Variants in SVIL observed in about 807,000 individuals in gnomAD.
The protein encoded by SVIL is supervillin, also known as archvillin.
In SVIL, 101 loss-of-function variants were observed where a neutral mutation model predicts 240.4. The ratio of observed to expected loss-of-function variants is 0.42; its 90% CI spans 0.36 to 0.50. SVIL has a LOEUF of 0.50. Among genes scored for constraint, SVIL ranks in the 20% least tolerant of loss-of-function variants. The pLI is 0.01. For synonymous variants in SVIL, 999 were observed against 1,100.0 expected, an observed-to-expected ratio of 0.91 and a Z score of 1.82; for missense variants, 2,512 against 2,818.7, an observed-to-expected ratio of 0.89 and a Z score of 2.46.
At chr10:29,680,250 C>T (rs1148205) in intron 2 of SVIL, among the ~76,000 whole-genome samples, 31,971 of 152,078 alleles carry the variant, frequency 0.21, 3,619 homozygotes, top group East Asian at 0.3. Context: ...GGCACATGTT[C>T]TCATAGGCGT....
chr10:29,626,922 G>C (rs1359423613), intron 1 of SVIL, among the ~76,000 whole-genome samples: 2 of 152,278 alleles, frequency 1.3e-5, no homozygotes, highest in East Asian at 3.9e-4. Context: ...TAGTCAGGAG[G>C]CTGAGGCAGG....
In SVIL at chr10:29,493,096, C is replaced by G. The variant is rs34163498; in HGVS notation, c.4019+118G>C. On this transcript the variant is annotated intron_variant, in intron 21 of 37. Coordinates refer to ENST00000355867, the MANE Select transcript of SVIL (RefSeq NM_021738.3). ...CCTGGCTCTAGAATACTAACGCCGC[C>G]GTGATGGAGTTAGAAGGAGAAGGAG... 233,308 of 1,229,700 alleles carry G rather than the reference C, an allele frequency of 0.19. 23,512 individuals are homozygous for G. Among genetic ancestry groups the G allele is most frequent in the Non-Finnish European group, 0.21 (183,881 of 896,432 alleles). The allele number at this position is 1,229,700 out of a possible 1,614,324, so 76.2% of individuals were successfully genotyped here.
intron 1 of SVIL, among the ~76,000 whole-genome samples, chr10:29,583,178 T>A (rs748580595): frequency 2.6e-5 from 4 of 152,258 alleles, no homozygotes; most frequent in Admixed American, 2.0e-4. Context: ...GCTCTCCTTG[T>A]TCTCAGAAGG....
At chr10:29,498,464 A>C (rs937081803) in intron 18 of SVIL, among the ~76,000 whole-genome samples, 27 of 152,192 alleles carry the variant, frequency 1.8e-4, no homozygotes, top group African/African-American at 6.5e-4. Flanking sequence ...TTGTTAGCAG[A>C]TTTGAACTGC....
chr10:29,639,070 C>T (rs767695303), upstream of SVIL, among the ~76,000 whole-genome samples: 3 of 152,260 alleles, frequency 2.0e-5, no homozygotes, highest in East Asian at 1.9e-4. Context: ...GCTGGGATAA[C>T]GAAAGTGTGT....
intron 2 of SVIL, among the ~76,000 whole-genome samples, chr10:29,674,149 A>G (rs1358381259): frequency 6.6e-6 from 1 of 151,980 alleles, no homozygotes; most frequent in African/African-American, 2.4e-5. Context: ...TAGGCAACAT[A>G]GCAAGACCTG....
At chr10:29,602,250 C>G in intron 1 of SVIL, 1 of 532,474 alleles carries the variant, frequency 1.9e-6, no homozygotes, top group Non-Finnish European at 3.9e-6. Flanking sequence ...CCCCCTGGTA[C>G]TTTAAGTGTT....
Position 29,580,562 on chromosome 10 carries a change from G to A in SVIL, c.-200-11250C>T, listed in dbSNP as rs61846649. On this transcript the variant is annotated intron_variant, in intron 1 of 37. Coordinates refer to ENST00000355867, the MANE Select transcript of SVIL (RefSeq NM_021738.3). ...ATGCTCCTCCAGAGGTCCGTACGAT[G>A]TCACCTCATGTCACCTTGTTGTGCT... Among the ~76,000 whole-genome samples the A allele has an allele frequency of 8.7e-3, 1,330 of 152,314 alleles. 7 individuals are homozygous for A. The highest frequency in any genetic ancestry group is 0.011 in the Non-Finnish European group (778 of 68,038).
chr10:29,580,117 C>T (rs1256957676), intron 1 of SVIL, among the ~76,000 whole-genome samples: 1 of 151,882 alleles, frequency 6.6e-6, no homozygotes, highest in Non-Finnish European at 1.5e-5. Context: ...TTGCTTGAAG[C>T]CAGGAGTTCG....
intron 6 of SVIL, among the ~76,000 whole-genome samples, chr10:29,541,803 C>T (rs1296450311): frequency 6.6e-6 from 1 of 151,626 alleles, no homozygotes; most frequent in South Asian, 2.1e-4. Context: ...ATTCGCGGGG[C>T]TGTGGACTCA....
chr10:29,706,031 G>T (rs1962868167), intron 1 of SVIL, among the ~76,000 whole-genome samples: 1 of 151,854 alleles, frequency 6.6e-6, no homozygotes, highest in South Asian at 2.1e-4. Context: ...AATCGACTTG[G>T]CTGGGCATAG....
chr10:29,478,774 A>G (rs1401877941), intron 29 of SVIL, among the ~76,000 whole-genome samples: 1 of 151,698 alleles, frequency 6.6e-6, no homozygotes, highest in African/African-American at 2.4e-5. Context: ...AAAAGAAAAA[A>G]TTAGCTTGAT....
intron 1 of SVIL, among the ~76,000 whole-genome samples, chr10:29,704,662 G>A (rs544369374): frequency 4.6e-5 from 7 of 152,062 alleles, no homozygotes; most frequent in East Asian, 1.9e-4. Flanking sequence ...ATTTCCCCCC[G>A]CAAATTGTTC....
chr10:29,627,169 A>T (rs1957906984), intron 1 of SVIL, among the ~76,000 whole-genome samples: 1 of 152,212 alleles, frequency 6.6e-6, no homozygotes, highest in East Asian at 1.9e-4. Context: ...AGGACTTTTT[A>T]AAAAAGATCT....
chr10:29,511,611 C>T (rs1281844600), intron 17 of SVIL, among the ~76,000 whole-genome samples: 5 of 152,208 alleles, frequency 3.3e-5, no homozygotes, highest in South Asian at 4.1e-4. Flanking sequence ...GAATTTCACA[C>T]GGTGTGTGAA....
chr10:29,541,172 C>G (rs938167895), intron 6 of SVIL, among the ~76,000 whole-genome samples: 1 of 152,066 alleles, frequency 6.6e-6, no homozygotes, highest in African/African-American at 2.4e-5. Context: ...TGAAGTCTTC[C>G]TAAATGTTAC....
chr10:29,475,184 T>A (rs1273675340), intron 29 of SVIL, among the ~76,000 whole-genome samples: 1 of 152,174 alleles, frequency 6.6e-6, no homozygotes, highest in Admixed American at 6.5e-5. Context: ...CGTCACCATG[T>A]CTGGCTAATT....
intron 3 of SVIL, among the ~76,000 whole-genome samples, chr10:29,640,995 T>A (rs1226399477): frequency 6.6e-6 from 1 of 152,256 alleles, no homozygotes; most frequent in Admixed American, 6.5e-5. Context: ...AGCGCTTGCT[T>A]CTTACCCATG....
At chr10:29,713,915 G>A (rs772501591) in intron 1 of SVIL, among the ~76,000 whole-genome samples, 1 of 152,172 alleles carries the variant, frequency 6.6e-6, no homozygotes, top group Non-Finnish European at 1.5e-5. Flanking sequence ...GTGCTTATGA[G>A]CTTTTGGAAG....
Sources: allele counts gnomAD v4.1 joint callset (sites outside exome capture counted in the v4.1 genomes callset), GRCh38; gene constraint gnomAD v4.1.1; transcripts MANE v1.5; gene names NCBI Gene and HGNC (gene_info 2026-07-23, HGNC 2026-07-21).